Variants in MLLT3 observed in about 807,000 individuals in gnomAD.
The protein encoded by MLLT3 is MLLT3 super elongation complex subunit.
MLLT3 carries 4 observed loss-of-function variants against 53.2 expected under a neutral mutation model. The ratio of observed to expected loss-of-function variants is 0.08; its 90% CI spans 0.04 to 0.17. The LOEUF is 0.17. Among genes scored for constraint, MLLT3 ranks in the 10% least tolerant of loss-of-function variants. The probability of loss-of-function intolerance (pLI) is 1.00; values close to 1 mark genes in which losing one functional copy is unlikely to be tolerated. For synonymous variants in MLLT3, 283 were observed against 230.6 expected (o/e 1.23, Z -2.06); for missense variants, 569 against 684.0 (o/e 0.83, Z 1.87).
chr9:20,589,305 A>G (rs1258873427), intron 2 of MLLT3, among the ~76,000 whole-genome samples: 2 of 151,974 alleles, frequency 1.3e-5, no homozygotes, highest in African/African-American at 4.8e-5. Flanking sequence ...GAAATTGGAA[A>G]CCATCATTCT....
intron 6 of MLLT3, among the ~76,000 whole-genome samples, chr9:20,364,646 C>T (rs187665200): frequency 6.6e-6 from 1 of 152,298 alleles, no homozygotes; most frequent in East Asian, 1.9e-4. Flanking sequence ...GAAACAAGAC[C>T]TCTGAATAGC....
intron 2 of MLLT3, among the ~76,000 whole-genome samples, chr9:20,468,881 C>T (rs1481387782): frequency 1.3e-5 from 2 of 152,166 alleles, no homozygotes; most frequent in Non-Finnish European, 2.9e-5. Flanking sequence ...TTAACACGAT[C>T]AGGAAACTGA....
At chr9:20,354,387 C>T (rs1821112754) in intron 9 of MLLT3, among the ~76,000 whole-genome samples, 1 of 152,222 alleles carries the variant, frequency 6.6e-6, no homozygotes. Context: ...GGTTAGGGCT[C>T]TGCCCAAACC....
intron 5 of MLLT3, among the ~76,000 whole-genome samples, chr9:20,406,129 A>G (rs1246087132): frequency 6.6e-6 from 1 of 151,978 alleles, no homozygotes; most frequent in African/African-American, 2.4e-5. Context: ...AAAGAAAAAA[A>G]GAAAAAAAAG....
In MLLT3 at chr9:20,622,262, G is replaced by T; in HGVS notation, c.-6C>A. The T allele has an allele frequency of 6.3e-7, 1 of 1,596,112 alleles. No individual in the cohort carries two copies. Among genetic ancestry groups the T allele is most frequent in the African/African-American group, 1.3e-5 (1 of 74,174 alleles). ...GTACTTACCGAGCTAGCCATGCCTG[G>T]GGGCCCGGAGGTTTGCTGGGGTGTT... On this transcript the variant is annotated 5_prime_UTR_variant, in exon 1 of 11. Coordinates refer to ENST00000380338, the MANE Select transcript of MLLT3 (RefSeq NM_004529.4).
intron 2 of MLLT3, among the ~76,000 whole-genome samples, chr9:20,582,391 T>C (rs1238226904): frequency 1.3e-5 from 2 of 152,224 alleles, no homozygotes; most frequent in African/African-American, 4.8e-5. Context: ...TACCTATTCG[T>C]CCCTTCCTTC....
chr9:20,614,096 T>A (rs979359550), intron 2 of MLLT3, among the ~76,000 whole-genome samples: 1 of 152,060 alleles, frequency 6.6e-6, no homozygotes, highest in Non-Finnish European at 1.5e-5. Flanking sequence ...TATCTCCAGC[T>A]CTAAGAAGGG....
At chr9:20,398,070 C>T (rs1822366065) in intron 5 of MLLT3, among the ~76,000 whole-genome samples, 1 of 151,944 alleles carries the variant, frequency 6.6e-6, no homozygotes, top group African/African-American at 2.4e-5. Flanking sequence ...TTTTTTCATT[C>T]ATTCTTCTGC....
At chr9:20,542,924 C>A (rs1398637439) in intron 2 of MLLT3, among the ~76,000 whole-genome samples, 2 of 152,234 alleles carry the variant, frequency 1.3e-5, no homozygotes, top group East Asian at 3.8e-4. Flanking sequence ...TCTACGTCAG[C>A]ACTTGCTGCT....
chr9:20,438,203 T>C (rs960910092), intron 4 of MLLT3, among the ~76,000 whole-genome samples: 1 of 152,236 alleles, frequency 6.6e-6, no homozygotes, highest in African/African-American at 2.4e-5. Flanking sequence ...GATAACTCTG[T>C]CTAGACTATA....
intron 5 of MLLT3, among the ~76,000 whole-genome samples, chr9:20,396,899 T>G (rs1187631127): frequency 6.6e-6 from 1 of 152,166 alleles, no homozygotes; most frequent in Non-Finnish European, 1.5e-5. Flanking sequence ...AATCAAGATT[T>G]CTGGCTAGTG....
chr9:20,467,802 T>A (rs1189729078), intron 2 of MLLT3, among the ~76,000 whole-genome samples: 1 of 152,278 alleles, frequency 6.6e-6, no homozygotes, highest in African/African-American at 2.4e-5. Context: ...TAAGATGCTG[T>A]CAGAAATTAT....
At chr9:20,546,567 C>CTGTATGGTAGACGAACCTG (rs1818793998) in intron 2 of MLLT3, among the ~76,000 whole-genome samples, 1 of 151,364 alleles carries the variant, frequency 6.6e-6, no homozygotes, top group Admixed American at 6.6e-5. Flanking sequence ...AAAAAATCTA[C>CTGTATGGTAGACGAACCTG]TGTATGGTAG....
At chr9:20,600,066 AT>A (rs1554643810) in intron 2 of MLLT3, among the ~76,000 whole-genome samples, 1 of 149,920 alleles carries the variant, frequency 6.7e-6, no homozygotes, top group Non-Finnish European at 1.5e-5. Context: ...ATTCAGGATA[AT>A]TTTTTTAAAT....
chr9:20,538,529 C>T (rs1225478698), intron 2 of MLLT3, among the ~76,000 whole-genome samples: 1 of 152,122 alleles, frequency 6.6e-6, no homozygotes, highest in Non-Finnish European at 1.5e-5. Context: ...TCTAAATTCA[C>T]ACCATCTGCA....
intron 2 of MLLT3, among the ~76,000 whole-genome samples, chr9:20,536,604 C>A (rs1264239191): frequency 6.6e-6 from 1 of 152,054 alleles, no homozygotes. Context: ...AAAAGTGAAC[C>A]AAAGGGAAAA....
chr9:20,504,236 T>C (rs1009299374), intron 2 of MLLT3, among the ~76,000 whole-genome samples: 2 of 152,284 alleles, frequency 1.3e-5, no homozygotes, highest in Middle Eastern at 3.4e-3. Context: ...AAGATATCTG[T>C]ACTTCCATTT....
At chr9:20,578,514 AAAAAAG>A (rs1023125980) in intron 2 of MLLT3, among the ~76,000 whole-genome samples, 6 of 152,062 alleles carry the variant, frequency 3.9e-5, no homozygotes, top group African/African-American at 9.7e-5. Context: ...CGTCTCTAAA[AAAAAAG>A]AAAAAGAAAA....
intron 2 of MLLT3, among the ~76,000 whole-genome samples, chr9:20,493,152 T>A (rs1006096732): frequency 1.3e-5 from 2 of 151,976 alleles, no homozygotes; most frequent in Admixed American, 6.6e-5. Flanking sequence ...CATTATAAAC[T>A]TTTTCTTATT....
Sources: allele counts gnomAD v4.1 joint callset (sites outside exome capture counted in the v4.1 genomes callset), GRCh38; gene constraint gnomAD v4.1.1; transcripts MANE v1.5; gene names NCBI Gene and HGNC (gene_info 2026-07-23, HGNC 2026-07-21).